MARCHF6: variants seen among roughly 807,000 people sequenced by gnomAD.
MARCHF6 encodes E3 ubiquitin-protein ligase MARCHF6.
MARCHF6 carries 31 observed loss-of-function variants against 133.7 expected under a neutral mutation model. The observed-to-expected ratio is 0.23, with a 90% CI of 0.17 to 0.31. The LOEUF (loss-of-function observed/expected upper bound fraction) is 0.31. Ranked by LOEUF, MARCHF6 falls within the 10% of genes least tolerant of loss-of-function variation. The pLI, the probability that MARCHF6 is intolerant of heterozygous loss-of-function variation, is 1.00. For missense variants in MARCHF6, 723 were observed against 1,121.6 expected (o/e 0.64, Z 5.08); for synonymous variants, 395 against 402.5 (o/e 0.98, Z 0.22).
At chr5:10,417,176 G>T in intron 21 of MARCHF6, 94 bp from the exon 22 acceptor site, 2 of 1,388,902 alleles carry the variant, frequency 1.4e-6, no homozygotes, top group Middle Eastern at 1.9e-4. Flanking sequence ...GACTGTGGTT[G>T]CTCTGTTAGG....
rs756748102 is a variant in MARCHF6, at chr5:10,414,467, T to C, written c.1931T>C (p.Leu644Ser). Residue 644 changes from leucine to serine, a missense_variant, in exon 20 of 26, where the codon TTA becomes TCA. Around this residue, in one of 4 missense-constraint regions of MARCHF6, gnomAD observed 492 missense variants for 699.5 expected, o/e 0.70. Transcript: ENST00000274140. ...FLLIVFMCIT[L>S]LIASLICLTL... Reference sequence around the variant, plus strand: ...TTGATTGTCTTCATGTGTATAACATTACTGATTGCCAGCCTCATCTGCCTT... The same window carrying C: ...TTGATTGTCTTCATGTGTATAACATCACTGATTGCCAGCCTCATCTGCCTT... 2.5e-6 allele frequency: 4 copies of C among 1,613,644 alleles called. No individual in the cohort carries two copies. In the Admixed American group the frequency reaches 6.7e-5, roughly 27 times the overall value.
In MARCHF6 at chr5:10,391,609, A is replaced by T. The variant is rs771636904; in HGVS notation, c.644A>T (p.Asn215Ile). ...ADQPANPPAENAVVGENPDAQ... is the reference protein window; with the variant it reads ...ADQPANPPAEIAVVGENPDAQ... Reference sequence around the variant, plus strand: ...CAGCCTGCTAACCCACCAGCTGAGAACGCAGTGGTGGGGGAAAACCCTGAT... The same window carrying T: ...CAGCCTGCTAACCCACCAGCTGAGATCGCAGTGGTGGGGGAAAACCCTGAT... The change falls in exon 7 of 26, where the codon AAC becomes ATC. Residue 215 changes from asparagine to isoleucine, a missense_variant. Physicochemically the swap from Asn to Ile is moderately radical, Grantham distance 149. Coordinates refer to ENST00000274140, the MANE Select transcript of MARCHF6 (RefSeq NM_005885.4). 31 of 1,612,860 alleles carry T rather than the reference A, an allele frequency of 1.9e-5. 1 individual carries two copies. In the South Asian group the frequency reaches 3.4e-4, roughly 18 times the overall value.
intron 23 of MARCHF6, among the ~76,000 whole-genome samples, 167 bp from the exon 24 acceptor site, chr5:10,426,223 G>C (rs1033396109): frequency 6.6e-6 from 1 of 152,186 alleles, no homozygotes; most frequent in Non-Finnish European, 1.5e-5. Flanking sequence ...TCAGAAACTC[G>C]TGGGCACTAT....
At chr5:10,373,890 A>G (rs963383508) in intron 1 of MARCHF6, among the ~76,000 whole-genome samples, 2 of 152,120 alleles carry the variant, frequency 1.3e-5, no homozygotes, top group Non-Finnish European at 2.9e-5. Flanking sequence ...TTCAGCTCCT[A>G]TATAGATAAC....
intron 5 of MARCHF6, among the ~76,000 whole-genome samples, chr5:10,389,804 T>C (rs947931180): frequency 2.6e-5 from 4 of 152,256 alleles, no homozygotes; most frequent in Admixed American, 6.5e-5. Flanking sequence ...ATTAGACTTA[T>C]CTGGAGGAGC....
chr5:10,388,098 T>C (rs1737601025), intron 5 of MARCHF6, among the ~76,000 whole-genome samples: 1 of 152,222 alleles, frequency 6.6e-6, no homozygotes, highest in Non-Finnish European at 1.5e-5. Context: ...ATATTAAGCA[T>C]TGTTGCTTGC....
At chr5:10,412,283 C>A (rs192680309) in intron 19 of MARCHF6, among the ~76,000 whole-genome samples, 1 of 152,164 alleles carries the variant, frequency 6.6e-6, no homozygotes, top group African/African-American at 2.4e-5. Context: ...AGAGAGCATA[C>A]GTGGTCTTTG....
intron 17 of MARCHF6, among the ~76,000 whole-genome samples, chr5:10,408,322 T>C (rs1739029657): frequency 6.6e-6 from 1 of 152,210 alleles, no homozygotes; most frequent in Non-Finnish European, 1.5e-5. Context: ...CCATTTAGAA[T>C]GAGATGCAAG....
intron 1 of MARCHF6, among the ~76,000 whole-genome samples, chr5:10,364,448 A>G (rs1055786058): frequency 2.0e-5 from 3 of 152,194 alleles, no homozygotes; most frequent in Admixed American, 6.5e-5. Flanking sequence ...GGCAGGAGCT[A>G]GAAAACACCC....
At chr5:10,388,733 G>C (rs1041148374) in intron 5 of MARCHF6, among the ~76,000 whole-genome samples, 27 of 152,144 alleles carry the variant, frequency 1.8e-4, no homozygotes, top group Non-Finnish European at 3.4e-4. Context: ...CATTCTAAAA[G>C]GGCAAGAGAA....
At chr5:10,391,335 G>A (rs1426502160) in intron 6 of MARCHF6, among the ~76,000 whole-genome samples, 1 of 151,006 alleles carries the variant, frequency 6.6e-6, no homozygotes, top group Non-Finnish European at 1.5e-5. Flanking sequence ...GTCTTGCTGT[G>A]CTGGCCAGGC....
intron 6 of MARCHF6, among the ~76,000 whole-genome samples, chr5:10,390,946 TATA>T (rs1414109286): frequency 6.6e-5 from 10 of 152,236 alleles, no homozygotes; most frequent in African/African-American, 2.4e-4. Context: ...AACCATTTTC[TATA>T]ATGCTTTGTG....
In MARCHF6 at chr5:10,403,499, A is replaced by G. The variant is rs149231553; in HGVS notation, c.1290A>G (p.Val430=). The change falls in exon 15 of 26, where the codon GTA becomes GTG. Residue 430 remains valine, a synonymous_variant. Transcript: ENST00000274140. ...TTCTGCATTGGCTAGTGGGAATGGT[A>G]TATGTCTTCTACTTTGCCTCCTTCA... The part of the protein sequence containing the change: ...TMFLHWLVGM[V]YVFYFASFIL... 3.4e-4 allele frequency: 543 copies of G among 1,613,822 alleles called. 8 individuals carry two copies. The East Asian group carries it at 5.1e-3, about 15-fold the overall frequency.
At chr5:10,360,425 C>T (rs893004377) in intron 1 of MARCHF6, among the ~76,000 whole-genome samples, 5 of 152,224 alleles carry the variant, frequency 3.3e-5, no homozygotes, top group Admixed American at 6.5e-5. Flanking sequence ...AGGCGTGAGC[C>T]ACCGCGCCCG....
At position 10,382,272 on chromosome 5, in the gene MARCHF6, C is replaced by T. The variant is rs537346169; in HGVS notation, c.334+329C>T. 9.2e-5 allele frequency among the ~76,000 whole-genome samples: 14 copies of T among 152,170 alleles called. 1 individual carries two copies. The South Asian group carries it at 1.9e-3, about 20-fold the overall frequency. On this transcript the variant is annotated intron_variant, in intron 4 of 25. Transcript: ENST00000274140. ...AAGGGCTACAAAAGACGGCCGGGCG[C>T]GGTGGCTTATGCCTGTAATCCCAGC... is the stretch of plus-strand genomic sequence containing the variant.
intron 21 of MARCHF6, 47 bp from the exon 22 acceptor site, chr5:10,417,223 G>T (rs765919143): frequency 1.3e-6 from 2 of 1,584,744 alleles, no homozygotes; most frequent in Non-Finnish European, 8.5e-7. Context: ...ATAGAGTTTG[G>T]CTCAGAAAGA....
At chr5:10,368,383 G>C (rs1401868650) in intron 1 of MARCHF6, among the ~76,000 whole-genome samples, 1 of 152,046 alleles carries the variant, frequency 6.6e-6, no homozygotes, top group Non-Finnish European at 1.5e-5. Context: ...CTATAATACT[G>C]GCAGTTTGGG....
At chr5:10,417,530 G>C in intron 22 of MARCHF6, 126 bp downstream of exon 22, 9 of 1,237,858 alleles carry the variant, frequency 7.3e-6, no homozygotes, top group Non-Finnish European at 1.0e-5. Context: ...AGGACTGCTT[G>C]CACCCAGGAG....
chr5:10,403,377 AT>A (rs1738665733), intron 14 of MARCHF6, 29 bp from the exon 15 acceptor site: 3 of 1,592,990 alleles, frequency 1.9e-6, no homozygotes, highest in Non-Finnish European at 2.6e-6. Flanking sequence ...GGGGGCACAG[AT>A]TTCTCTTACC....
Sources: gnomAD v4.1 joint callset for allele counts (sites outside exome capture counted in the v4.1 genomes callset) on GRCh38, gnomAD v4.1.1 for gene constraint, gnomAD v4.1.1 regional missense constraint, MANE v1.5 for transcripts, NCBI Gene and HGNC (gene_info 2026-07-23, HGNC 2026-07-21) for gene names.